Variants in DLGAP2 observed in about 807,000 individuals in gnomAD.
DLGAP2 encodes the protein disks large-associated protein 2.
A neutral mutation model predicts 100.3 loss-of-function variants in DLGAP2; 26 were observed. The ratio of observed to expected loss-of-function variants is 0.26; its 90% CI spans 0.19 to 0.36. The LOEUF (loss-of-function observed/expected upper bound fraction) is 0.36, where lower values mean the gene tolerates loss of function less well. DLGAP2 is among the 10% of genes least tolerant of loss of function. The pLI, the probability that DLGAP2 is intolerant of heterozygous loss-of-function variation, is 1.00. For missense variants in DLGAP2, 1,858 were observed against 1,453.2 expected (o/e 1.28, Z -4.53); for synonymous variants, 886 against 630.1 (o/e 1.41, Z -6.08).
chr8:1,106,826 G>T (rs558890450), intron 2 of DLGAP2, among the ~76,000 whole-genome samples: 2 of 152,152 alleles, frequency 1.3e-5, no homozygotes, highest in Admixed American at 1.3e-4. Context: ...TCACTTACTT[G>T]TGAGTGACAC....
At chr8:1,289,607 C>T (rs965855139) in intron 3 of DLGAP2, among the ~76,000 whole-genome samples, 1 of 152,156 alleles carries the variant, frequency 6.6e-6, no homozygotes, top group African/African-American at 2.4e-5. Flanking sequence ...AATATCTGTC[C>T]CTGGGGGCTG....
chr8:1,349,824 C>G (rs993509023), intron 3 of DLGAP2, among the ~76,000 whole-genome samples: 2 of 152,246 alleles, frequency 1.3e-5, no homozygotes, highest in African/African-American at 4.8e-5. Flanking sequence ...CCTTGAATTG[C>G]TCTAACAACT....
intron 2 of DLGAP2, among the ~76,000 whole-genome samples, chr8:1,139,968 G>C (rs188938019): frequency 2.6e-5 from 4 of 152,268 alleles, no homozygotes; most frequent in Admixed American, 2.6e-4. Context: ...GGATATTCTG[G>C]GGCCTGAGCC....
At chr8:1,250,248 A>G (rs1056109386) in intron 2 of DLGAP2, 4 of 152,178 alleles carry the variant, frequency 2.6e-5, no homozygotes, top group Non-Finnish European at 5.9e-5. Context: ...CAGATATGGC[A>G]TTTCAGGACG....
In DLGAP2 at chr8:1,668,466, A is replaced by G. The variant is rs1381219804; in HGVS notation, c.1948A>G (p.Met650Val). ...DAYQDSRAQR[M>V]SPWPQDSRGL... ...CTACCAGGACAGCCGCGCACAGAGG[A>G]TGTCCCCGTGGCCCCAGGACAGCCG... Residue 650 changes from methionine to valine, a missense_variant, in exon 9 of 15, where the codon ATG (methionine) becomes GTG (valine). Met to Val is a conservative substitution (Grantham distance 21). Coordinates refer to ENST00000637795, the MANE Select transcript of DLGAP2 (RefSeq NM_001346810.2). 6 of 1,594,542 alleles carry G rather than the reference A, an allele frequency of 3.8e-6. No individual in the cohort carries two copies. The African/African-American group carries it at 5.4e-5, about 14-fold the overall frequency.
intron 1 of DLGAP2, among the ~76,000 whole-genome samples, chr8:870,008 C>CAAAA (rs576493428): frequency 8.3e-6 from 1 of 121,000 alleles, no homozygotes. Flanking sequence ...GCCTAATTTA[C>CAAAA]AAAAAAAAAA....
intron 5 of DLGAP2, among the ~76,000 whole-genome samples, chr8:1,559,188 G>C (rs73671211): frequency 0.022 from 3,349 of 152,286 alleles, 126 homozygotes; most frequent in African/African-American, 0.075. Flanking sequence ...GAGGTAATTA[G>C]GGTAATTGAT....
intron 2 of DLGAP2, among the ~76,000 whole-genome samples, chr8:1,231,939 C>T (rs1471552737): frequency 1.3e-5 from 2 of 151,876 alleles, no homozygotes; most frequent in Non-Finnish European, 2.9e-5. Context: ...GCACATGTAC[C>T]CCTGAATGTA....
intron 2 of DLGAP2, among the ~76,000 whole-genome samples, chr8:1,046,127 A>G (rs1027425264): frequency 6.6e-6 from 1 of 152,248 alleles, no homozygotes; most frequent in Admixed American, 6.5e-5. Context: ...AGTGGTAAAT[A>G]GAATAAAGTC....
intron 2 of DLGAP2, among the ~76,000 whole-genome samples, chr8:965,130 C>A (rs1799819382): frequency 6.7e-6 from 1 of 149,546 alleles, no homozygotes; most frequent in Non-Finnish European, 1.5e-5. Context: ...CCCGCATGCA[C>A]ACGGCGCTGT....
At chr8:835,001 T>C (rs902603265) in intron 1 of DLGAP2, among the ~76,000 whole-genome samples, 1 of 152,250 alleles carries the variant, frequency 6.6e-6, no homozygotes, top group Non-Finnish European at 1.5e-5. Flanking sequence ...TGCACATGTC[T>C]ACATTATGTT....
At chr8:1,267,213 C>G (rs1799471012) in intron 3 of DLGAP2, among the ~76,000 whole-genome samples, 2 of 149,292 alleles carry the variant, frequency 1.3e-5, no homozygotes, top group Admixed American at 6.7e-5. Flanking sequence ...GCCTGGGCAA[C>G]AGAGCGAGAC....
Position 1,464,389 on chromosome 8 carries a change from C to T in DLGAP2, c.107-36977C>T, listed in dbSNP as rs1011022712. On this transcript the variant is annotated intron_variant, in intron 3 of 14. Transcript: ENST00000637795. Reference sequence around the variant, plus strand: ...AACGCCCTTCCAGGATGGCACCCTTCCGGAATGGCATCCTTCCAGGACAGC... The same window carrying T: ...AACGCCCTTCCAGGATGGCACCCTTTCGGAATGGCATCCTTCCAGGACAGC... 1.1e-3 allele frequency among the ~76,000 whole-genome samples: 37 copies of T among 35,006 alleles called. 9 individuals carry two copies. Among genetic ancestry groups the T allele is most frequent in the African/African-American group, 4.8e-3 (35 of 7,228 alleles). The allele number at this position is 35,006 out of a possible 152,430, so 23.0% of individuals were successfully genotyped here. A position where few individuals can be genotyped will look rare whatever the true frequency, so the allele number is the denominator to read the frequency against.
At chr8:853,492 C>A (rs140808758) in intron 1 of DLGAP2, among the ~76,000 whole-genome samples, 41 of 152,284 alleles carry the variant, frequency 2.7e-4, no homozygotes, top group Non-Finnish European at 4.9e-4. Flanking sequence ...GGATGCCCCT[C>A]ATCAGTTAGG....
intron 2 of DLGAP2, among the ~76,000 whole-genome samples, chr8:1,174,698 C>G (rs903330507): frequency 7.6e-6 from 1 of 132,346 alleles, no homozygotes; most frequent in African/African-American, 4.1e-5. Context: ...ATTACCATCA[C>G]CACCACTATC....
chr8:1,019,569 C>T (rs1036235479), intron 2 of DLGAP2: 1 of 151,992 alleles, frequency 6.6e-6, no homozygotes, highest in African/African-American at 2.4e-5. Flanking sequence ...TGGTGGAAAC[C>T]ACTTCTAGGT....
chr8:1,101,768 AC>A, intron 2 of DLGAP2, among the ~76,000 whole-genome samples: 1 of 34,878 alleles, frequency 2.9e-5, no homozygotes. Flanking sequence ...GCCGAACACG[AC>A]ACGACGATGG....
intron 6 of DLGAP2, among the ~76,000 whole-genome samples, chr8:1,610,038 C>G (rs1488839476): frequency 1.3e-5 from 2 of 151,752 alleles, no homozygotes; most frequent in African/African-American, 4.8e-5. Context: ...CCAAGCGGAC[C>G]TAATAGACAT....
At chr8:1,507,603 T>G (rs1194129132) in intron 4 of DLGAP2, among the ~76,000 whole-genome samples, 1 of 151,916 alleles carries the variant, frequency 6.6e-6, no homozygotes, top group Non-Finnish European at 1.5e-5. Flanking sequence ...GCGGCCGGAG[T>G]GGGCGCCGAG....
Sources: gnomAD v4.1 joint callset for allele counts (sites outside exome capture counted in the v4.1 genomes callset) on GRCh38, gnomAD v4.1.1 for gene constraint, MANE v1.5 for transcripts, NCBI Gene and HGNC (gene_info 2026-07-23, HGNC 2026-07-21) for gene names.